The following WWC1 variants were observed in gnomAD, a reference collection of about 807,000 sequenced individuals.
WWC1 encodes protein KIBRA.
WWC1 carries 55 observed loss-of-function variants against 138.4 expected under a neutral mutation model. The ratio of observed to expected loss-of-function variants is 0.40; its 90% CI spans 0.32 to 0.50. The LOEUF (loss-of-function observed/expected upper bound fraction) is 0.50, where lower values mean the gene tolerates loss of function less well. WWC1 is among the 20% of genes least tolerant of loss of function. WWC1 has a pLI of 0.72. For missense variants in WWC1, 1,226 were observed against 1,420.4 expected, an observed-to-expected ratio of 0.86 and a Z score of 2.20; for synonymous variants, 524 against 564.9, an observed-to-expected ratio of 0.93 and a Z score of 1.03.
chr5:168,306,035 T>A (rs977891229), intron 1 of WWC1, among the ~76,000 whole-genome samples: 1 of 152,182 alleles, frequency 6.6e-6, no homozygotes, highest in East Asian at 1.9e-4. Context: ...ATATGTATAG[T>A]TTTACTTGGA....
intron 1 of WWC1, among the ~76,000 whole-genome samples, chr5:168,337,467 G>A (rs533079298): frequency 5.2e-4 from 79 of 152,206 alleles, no homozygotes; most frequent in African/African-American, 1.8e-3. Context: ...TAGGGGCCAG[G>A]GATAGTGCTG....
intron 20 of WWC1, among the ~76,000 whole-genome samples, chr5:168,463,387 C>CA: frequency 6.6e-6 from 1 of 152,312 alleles, no homozygotes; most frequent in East Asian, 1.9e-4. Context: ...GGAGCACTTT[C>CA]AGCTCCTAGA....
chr5:168,455,575 A>C, intron 19 of WWC1, 55 bp downstream of exon 19: 5 of 1,586,514 alleles, frequency 3.2e-6, no homozygotes, highest in Non-Finnish European at 4.3e-6. Context: ...AGAGCTTCAC[A>C]CAGGGCTGGG....
chr5:168,316,101 A>G (rs1484955977), intron 1 of WWC1, among the ~76,000 whole-genome samples: 3 of 152,132 alleles, frequency 2.0e-5, no homozygotes, highest in East Asian at 1.9e-4. Context: ...GAATAGAACT[A>G]TTGGACCATG....
At chr5:168,437,014 A>G (rs1412984468) in intron 15 of WWC1, among the ~76,000 whole-genome samples, 1 of 151,602 alleles carries the variant, frequency 6.6e-6, no homozygotes, top group African/African-American at 2.4e-5. Context: ...GGATTTGGCC[A>G]CTTATTAAAA....
intron 20 of WWC1, among the ~76,000 whole-genome samples, chr5:168,463,496 A>T (rs938397314): frequency 1.3e-5 from 2 of 152,190 alleles, no homozygotes; most frequent in South Asian, 2.1e-4. Context: ...AGCCCAGGCC[A>T]TCTTTTAGGG....
Position 168,292,302 on chromosome 5 carries a change from C to G in WWC1, c.119+31C>G. 3.8e-6 allele frequency: 6 copies of G among 1,562,060 alleles called. No homozygotes were observed. The highest frequency in any genetic ancestry group is 1.4e-5 in the African/African-American group (1 of 73,420). On this transcript the variant is annotated intron_variant, in intron 1 of 22. Coordinates refer to ENST00000265293, the MANE Select transcript of WWC1 (RefSeq NM_015238.3). This position sits in a 1 kb window ranked among gnomAD's most constrained non-coding sequence, Gnocchi z 4.4. ...ACCCTGGAACCCTCCTCCGTGCCCC[C>G]ACACCCCCGCCTGGGCCCCCACCTG...
At chr5:168,350,937 G>C (rs984186118) in intron 1 of WWC1, among the ~76,000 whole-genome samples, 13 of 152,184 alleles carry the variant, frequency 8.5e-5, no homozygotes, top group African/African-American at 3.1e-4. Flanking sequence ...TTTGAGGTCA[G>C]GAGTTCAAGA....
At chr5:168,328,301 T>C (rs1030585842) in intron 1 of WWC1, among the ~76,000 whole-genome samples, 2 of 152,218 alleles carry the variant, frequency 1.3e-5, no homozygotes, top group Non-Finnish European at 2.9e-5. Context: ...GAATGGGTTA[T>C]GAATGATGCT....
At chr5:168,434,585 A>G (rs1262671221) in intron 15 of WWC1, among the ~76,000 whole-genome samples, 2 of 152,244 alleles carry the variant, frequency 1.3e-5, no homozygotes, top group African/African-American at 4.8e-5. Context: ...CTGCCAGGTC[A>G]TCCAAGGAGA....
At chr5:168,454,332 C>T (rs1294974418) in intron 18 of WWC1, among the ~76,000 whole-genome samples, 1 of 152,212 alleles carries the variant, frequency 6.6e-6, no homozygotes, top group Non-Finnish European at 1.5e-5. Flanking sequence ...CTGGACATAA[C>T]TCAAGCCTTG....
chr5:168,442,964 G>A (rs113474332), intron 16 of WWC1, among the ~76,000 whole-genome samples: 4,386 of 152,174 alleles, frequency 0.029, 103 homozygotes, highest in Non-Finnish European at 0.047. Context: ...TGTCTCCCCC[G>A]TTTGGAAAGC....
intron 17 of WWC1, among the ~76,000 whole-genome samples, chr5:168,453,186 T>A (rs1159667803): frequency 6.6e-6 from 1 of 151,460 alleles, no homozygotes; most frequent in African/African-American, 2.4e-5. Context: ...ATGGTCCCAC[T>A]GCACTCCAGC....
chr5:168,427,948 C>T (rs1439808959), intron 11 of WWC1, 85 bp from the exon 12 acceptor site: 3 of 1,132,174 alleles, frequency 2.6e-6, no homozygotes, highest in African/African-American at 1.5e-5. Context: ...ATGAGTGAGA[C>T]CCTGCCTCAA....
chr5:168,434,973 C>T (rs1782241656), intron 15 of WWC1, among the ~76,000 whole-genome samples: 1 of 152,176 alleles, frequency 6.6e-6, no homozygotes, highest in African/African-American at 2.4e-5. Context: ...GTGAACTCTC[C>T]ACCCCCTCCT....
chr5:168,303,096 C>T (rs1770241746), intron 1 of WWC1, among the ~76,000 whole-genome samples: 1 of 152,184 alleles, frequency 6.6e-6, no homozygotes, highest in Non-Finnish European at 1.5e-5. Flanking sequence ...ACTCAATTAT[C>T]CCCGTTTTGC....
chr5:168,419,901 G>A (rs1780956112), intron 9 of WWC1, among the ~76,000 whole-genome samples: 1 of 152,188 alleles, frequency 6.6e-6, no homozygotes, highest in Non-Finnish European at 1.5e-5. Context: ...CAAACACAAG[G>A]ATTTGTCTCC....
intron 1 of WWC1, among the ~76,000 whole-genome samples, chr5:168,359,949 A>G (rs969584998): frequency 1.3e-5 from 2 of 152,242 alleles, no homozygotes; most frequent in Admixed American, 1.3e-4. Flanking sequence ...TAGCCAGCTT[A>G]AGAGTCCTGC....
chr5:168,335,853 G>T (rs767783352), intron 1 of WWC1, among the ~76,000 whole-genome samples: 4 of 152,220 alleles, frequency 2.6e-5, no homozygotes, highest in African/African-American at 9.6e-5. Flanking sequence ...GAGGCTTAGA[G>T]AAATTAATTA....
Sources: gnomAD v4.1 joint callset for allele counts (sites outside exome capture counted in the v4.1 genomes callset) on GRCh38, gnomAD v4.1.1 for gene constraint, Gnocchi (gnomAD v3.1) non-coding constraint, MANE v1.5 for transcripts, NCBI Gene and HGNC (gene_info 2026-07-23, HGNC 2026-07-21) for gene names.